Variants in SNTG1 observed in about 807,000 individuals in gnomAD.
The protein encoded by SNTG1 is gamma-1-syntrophin.
In SNTG1, 39 loss-of-function variants were observed where a neutral mutation model predicts 74.7. That is an observed-to-expected ratio of 0.52 (90% CI 0.40 to 0.68). The LOEUF (loss-of-function observed/expected upper bound fraction) is 0.68. SNTG1 is among the 30% of genes least tolerant of loss of function. SNTG1 has a pLI of 0.00. For missense variants in SNTG1, 685 were observed against 609.5 expected (o/e 1.12, Z -1.30); for synonymous variants, 254 against 217.1 (o/e 1.17, Z -1.49).
chr8:50,324,183 A>G (rs1344853995), intron 2 of SNTG1, among the ~76,000 whole-genome samples: 1 of 151,988 alleles, frequency 6.6e-6, no homozygotes, highest in East Asian at 1.9e-4. Flanking sequence ...GCTGGTAAAT[A>G]TTTTCCCTCC....
intron 1 of SNTG1, among the ~76,000 whole-genome samples, chr8:50,134,936 A>C (rs1026119754): frequency 2.0e-5 from 3 of 152,198 alleles, no homozygotes; most frequent in Admixed American, 2.0e-4. Flanking sequence ...CAATGAAAAA[A>C]AGGGTCAAAT....
At chr8:49,924,526 A>C (rs1806843120) in intron 1 of SNTG1, among the ~76,000 whole-genome samples, 1 of 152,192 alleles carries the variant, frequency 6.6e-6, no homozygotes, top group Non-Finnish European at 1.5e-5. Context: ...AGCCGGGCTA[A>C]CATAGCATTG....
intron 2 of SNTG1, among the ~76,000 whole-genome samples, chr8:50,357,034 C>T (rs2091836254): frequency 6.6e-6 from 1 of 152,182 alleles, no homozygotes; most frequent in African/African-American, 2.4e-5. Flanking sequence ...TGCCTTTGGG[C>T]CTTAGCACAT....
At chr8:50,079,911 C>T (rs1822249771) in intron 1 of SNTG1, among the ~76,000 whole-genome samples, 1 of 152,146 alleles carries the variant, frequency 6.6e-6, no homozygotes, top group South Asian at 2.1e-4. Context: ...GTCTATATAT[C>T]TGTTTTGGTA....
chr8:49,990,715 G>A (rs538150896), intron 1 of SNTG1, among the ~76,000 whole-genome samples: 14 of 152,186 alleles, frequency 9.2e-5, no homozygotes, highest in African/African-American at 3.1e-4. Context: ...AGAAAGAAGT[G>A]TCTTGTAAAT....
chr8:50,431,064 C>T (rs976942239), intron 4 of SNTG1, among the ~76,000 whole-genome samples: 44 of 152,166 alleles, frequency 2.9e-4, no homozygotes, highest in Admixed American at 2.6e-4. Context: ...CCTGCCCCAT[C>T]GCTGAGGTTG....
intron 17 of SNTG1, among the ~76,000 whole-genome samples, chr8:50,743,242 A>T (rs1042501132): frequency 3.3e-5 from 5 of 151,982 alleles, no homozygotes; most frequent in Non-Finnish European, 7.4e-5. Context: ...ATATTAATTT[A>T]AAAAACTCTC....
At chr8:50,593,739 A>G (rs1039185951) in intron 13 of SNTG1, among the ~76,000 whole-genome samples, 7 of 144,276 alleles carry the variant, frequency 4.9e-5, no homozygotes, top group African/African-American at 1.9e-4. Flanking sequence ...TTTTTGAGAG[A>G]CAGAGTCTCA....
intron 17 of SNTG1, among the ~76,000 whole-genome samples, chr8:50,727,191 G>A (rs1000500153): frequency 6.6e-6 from 1 of 152,186 alleles, no homozygotes; most frequent in Non-Finnish European, 1.5e-5. Context: ...AACAGAATTA[G>A]AGGCAGGGAG....
chr8:50,151,906 T>C (rs2131542836), intron 1 of SNTG1, among the ~76,000 whole-genome samples: 1 of 152,284 alleles, frequency 6.6e-6, no homozygotes, highest in South Asian at 2.1e-4. Context: ...GGTGGAGAGT[T>C]CCATAGATAT....
At chr8:50,353,217 G>A (rs1402725375) in intron 2 of SNTG1, among the ~76,000 whole-genome samples, 1 of 141,836 alleles carries the variant, frequency 7.1e-6, no homozygotes, top group Non-Finnish European at 1.5e-5. Context: ...AGAACACATG[G>A]ACACAGGAAG....
rs777462070 is a variant in SNTG1, at chr8:50,402,060, C to T, written c.28-150C>T. 2.2e-4 allele frequency: 156 copies of T among 695,952 alleles called. 1 individual carries two copies. Among genetic ancestry groups the T allele is most frequent in the Admixed American group, 1.1e-4 (3 of 28,510 alleles). The allele number at this position is 695,952 out of a possible 1,614,324, so 43.1% of individuals were successfully genotyped here. A position where few individuals can be genotyped will look rare whatever the true frequency, so the allele number is the denominator to read the frequency against. ...TTCTCCTTTTTTTCCCTTGCACCCA[C>T]GTTAAGTATTCAATTTCAGGCTCAT... On this transcript the variant is annotated intron_variant, in intron 3 of 18. Coordinates refer to ENST00000642720, the MANE Select transcript of SNTG1 (RefSeq NM_018967.5).
intron 15 of SNTG1, among the ~76,000 whole-genome samples, chr8:50,698,792 T>G (rs137875901): frequency 3.1e-4 from 47 of 152,180 alleles, no homozygotes; most frequent in African/African-American, 1.1e-3. Flanking sequence ...CCAAGGTAGA[T>G]CTAGGGCTTA....
chr8:50,790,189 C>T (rs1391223788), intron 18 of SNTG1, among the ~76,000 whole-genome samples: 2 of 151,872 alleles, frequency 1.3e-5, no homozygotes, highest in South Asian at 2.1e-4. Context: ...TATTTCTGCC[C>T]TTAGTCACAT....
At chr8:50,491,666 G>C (rs762027226) in intron 8 of SNTG1, among the ~76,000 whole-genome samples, 6 of 152,190 alleles carry the variant, frequency 3.9e-5, no homozygotes, top group Non-Finnish European at 7.3e-5. Context: ...AGCCGCCCAT[G>C]CTGCAAATGC....
intron 12 of SNTG1, among the ~76,000 whole-genome samples, chr8:50,574,615 T>C (rs2094566458): frequency 3.3e-5 from 5 of 152,164 alleles, no homozygotes; most frequent in Admixed American, 3.3e-4. Flanking sequence ...CTTTTGTTCA[T>C]ATGTGATCAT....
At chr8:49,937,911 G>A (rs1443117400) in intron 1 of SNTG1, among the ~76,000 whole-genome samples, 2 of 151,710 alleles carry the variant, frequency 1.3e-5, no homozygotes, top group African/African-American at 4.8e-5. Flanking sequence ...CATTATTCCT[G>A]TCAGATCCAC....
intron 18 of SNTG1, among the ~76,000 whole-genome samples, chr8:50,782,985 C>A (rs1247738878): frequency 6.6e-6 from 1 of 152,182 alleles, no homozygotes; most frequent in Non-Finnish European, 1.5e-5. Context: ...CCCTGTTTGC[C>A]TGGGTACCAG....
intron 9 of SNTG1, among the ~76,000 whole-genome samples, chr8:50,518,179 A>G (rs1370650953): frequency 6.6e-6 from 1 of 152,226 alleles, no homozygotes; most frequent in Non-Finnish European, 1.5e-5. Flanking sequence ...ACTACATGGA[A>G]AATGAACAAG....
Sources: allele counts gnomAD v4.1 joint callset (sites outside exome capture counted in the v4.1 genomes callset), GRCh38; gene constraint gnomAD v4.1.1; transcripts MANE v1.5; gene names NCBI Gene and HGNC (gene_info 2026-07-23, HGNC 2026-07-21).